Variants in CRPPA observed in about 807,000 individuals in gnomAD.
CRPPA encodes the protein CDP-L-ribitol pyrophosphorylase A.
A neutral mutation model predicts 52.0 loss-of-function variants in CRPPA; 43 were observed. The observed-to-expected ratio is 0.83, with a 90% confidence interval of 0.65 to 1.07. The LOEUF (loss-of-function observed/expected upper bound fraction) is 1.07, where lower values mean the gene tolerates loss of function less well. Ranked by LOEUF, CRPPA falls within the 50% of genes least tolerant of loss-of-function variation. CRPPA has a pLI of 0.00. For missense variants in CRPPA, 629 were observed against 551.7 expected (o/e 1.14, Z -1.40); for synonymous variants, 250 against 203.5 (o/e 1.23, Z -1.94).
At chr7:16,400,014 G>A (rs1214402079) in intron 2 of CRPPA, among the ~76,000 whole-genome samples, 3 of 152,128 alleles carry the variant, frequency 2.0e-5, no homozygotes, top group Non-Finnish European at 2.9e-5. Context: ...TGACTGACTC[G>A]CGAATGACAT....
At chr7:16,208,991 G>C (rs1782043237) in intron 9 of CRPPA, 1 of 418,214 alleles carries the variant, frequency 2.4e-6, no homozygotes, top group Non-Finnish European at 4.8e-6. Flanking sequence ...GAGAAGTGTG[G>C]CAAGCACCAA....
intron 8 of CRPPA, among the ~76,000 whole-genome samples, chr7:16,232,478 T>C (rs564546929): frequency 2.0e-5 from 3 of 152,306 alleles, no homozygotes; most frequent in South Asian, 2.1e-4. Flanking sequence ...TCTTCACCAA[T>C]TGTCAGTAGC....
intron 9 of CRPPA, among the ~76,000 whole-genome samples, chr7:16,158,119 C>T (rs1367144568): frequency 1.3e-5 from 2 of 150,982 alleles, no homozygotes; most frequent in African/African-American, 2.4e-5. Context: ...CTCCTGACCT[C>T]GTGATCCGCC....
Position 16,189,941 on chromosome 7 carries a change from C to G in CRPPA, c.1251+26125G>C, listed in dbSNP as rs143947425. ...ACCCATCTTTCTTTTTCTCAATTCTCTTAACAAGTATTTATCTCAGCTCTA... is the reference window on the plus strand; with the variant it reads ...ACCCATCTTTCTTTTTCTCAATTCTGTTAACAAGTATTTATCTCAGCTCTA... On this transcript the variant is annotated intron_variant, in intron 9 of 9. Coordinates refer to ENST00000407010, the MANE Select transcript of CRPPA (RefSeq NM_001101426.4). Among the ~76,000 whole-genome samples the G allele has an allele frequency of 1.1e-3, 171 of 152,216 alleles. 1 individual carries two copies. Among genetic ancestry groups the G allele is most frequent in the African/African-American group, 4.1e-3 (171 of 41,544 alleles).
chr7:16,225,498 C>T (rs950266170), intron 8 of CRPPA, among the ~76,000 whole-genome samples: 11 of 151,858 alleles, frequency 7.2e-5, no homozygotes, highest in African/African-American at 2.7e-4. Context: ...AACTATAAAA[C>T]ATAATTCTAT....
At chr7:16,164,265 C>T (rs1311793233) in intron 9 of CRPPA, among the ~76,000 whole-genome samples, 2 of 152,150 alleles carry the variant, frequency 1.3e-5, no homozygotes, top group African/African-American at 4.8e-5. Flanking sequence ...AGTTGATCTT[C>T]AGTCTCTGAT....
intron 9 of CRPPA, among the ~76,000 whole-genome samples, chr7:16,171,254 C>G (rs992389446): frequency 6.6e-6 from 1 of 152,228 alleles, no homozygotes; most frequent in Non-Finnish European, 1.5e-5. Context: ...TGTAACTCAA[C>G]ATTGACTGCT....
intron 3 of CRPPA, among the ~76,000 whole-genome samples, chr7:16,359,264 C>A (rs1038125014): frequency 9.9e-5 from 15 of 152,140 alleles, no homozygotes; most frequent in African/African-American, 3.6e-4. Flanking sequence ...TAGCTGGGAG[C>A]ACCACCACAC....
At chr7:16,370,872 G>T (rs903284811) in intron 3 of CRPPA, among the ~76,000 whole-genome samples, 1 of 152,104 alleles carries the variant, frequency 6.6e-6, no homozygotes, top group Non-Finnish European at 1.5e-5. Flanking sequence ...AGCCTTCCTG[G>T]AACAATTCAG....
chr7:16,283,722 G>A (rs1392366287), intron 5 of CRPPA, among the ~76,000 whole-genome samples: 3 of 151,700 alleles, frequency 2.0e-5, no homozygotes, highest in African/African-American at 7.3e-5. Context: ...GTCGCCCATT[G>A]CACAGAGACT....
intron 2 of CRPPA, among the ~76,000 whole-genome samples, chr7:16,397,450 C>A (rs1382915885): frequency 6.6e-6 from 1 of 152,170 alleles, no homozygotes; most frequent in African/African-American, 2.4e-5. Flanking sequence ...ATGTAACAGA[C>A]GTGACACGTG....
At chr7:16,106,292 G>T (rs1782150118) in intron 9 of CRPPA, among the ~76,000 whole-genome samples, 1 of 152,154 alleles carries the variant, frequency 6.6e-6, no homozygotes, top group African/African-American at 2.4e-5. Flanking sequence ...CATTTCTAAA[G>T]AGCATAGCCT....
chr7:16,209,747 C>T (rs919359801), intron 9 of CRPPA, among the ~76,000 whole-genome samples: 3 of 152,140 alleles, frequency 2.0e-5, no homozygotes, highest in Non-Finnish European at 4.4e-5. Flanking sequence ...TATATAAGAA[C>T]ACGCTACTAA....
intron 2 of CRPPA, among the ~76,000 whole-genome samples, chr7:16,398,996 A>G (rs1206770842): frequency 3.3e-5 from 5 of 152,226 alleles, no homozygotes; most frequent in African/African-American, 1.2e-4. Context: ...AATGTGATTG[A>G]CACTTGACTG....
chr7:16,186,378 C>T (rs796299282), intron 9 of CRPPA, among the ~76,000 whole-genome samples: 23 of 152,300 alleles, frequency 1.5e-4, no homozygotes, highest in East Asian at 9.7e-4. Context: ...TTTTCCGCCA[C>T]GTGCGTGTAC....
chr7:16,400,119 A>T (rs1174150043), intron 2 of CRPPA, among the ~76,000 whole-genome samples: 1 of 152,044 alleles, frequency 6.6e-6, no homozygotes, highest in African/African-American at 2.4e-5. Context: ...ATACATGACC[A>T]ACACGTGACC....
At chr7:16,405,986 T>C (rs576886224) in intron 2 of CRPPA, 75 bp downstream of exon 2, 1 of 1,336,684 alleles carries the variant, frequency 7.5e-7, no homozygotes, top group Admixed American at 2.3e-5. Flanking sequence ...TTAAACAGAA[T>C]TGAATCAAAA....
intron 9 of CRPPA, among the ~76,000 whole-genome samples, chr7:16,214,259 T>C (rs1443502316): frequency 6.6e-6 from 1 of 152,194 alleles, no homozygotes; most frequent in Non-Finnish European, 1.5e-5. Flanking sequence ...ATATATAACC[T>C]GGCAACATTA....
At chr7:16,204,350 T>C (rs528837561) in intron 9 of CRPPA, among the ~76,000 whole-genome samples, 174 of 152,154 alleles carry the variant, frequency 1.1e-3, no homozygotes, top group Middle Eastern at 6.8e-3. Flanking sequence ...CTGGAGGCCA[T>C]CATCTTAAGT....
Sources: gnomAD v4.1 joint callset for allele counts (sites outside exome capture counted in the v4.1 genomes callset) on GRCh38, gnomAD v4.1.1 for gene constraint, MANE v1.5 for transcripts, NCBI Gene and HGNC (gene_info 2026-07-23, HGNC 2026-07-21) for gene names.